Variants in DNAH9 observed in about 807,000 individuals in gnomAD.
DNAH9 encodes the protein DNAH9 variant protein.
DNAH9 carries 345 observed loss-of-function variants against 471.6 expected under a neutral mutation model. The observed-to-expected ratio is 0.73, with a 90% confidence interval of 0.67 to 0.80. The LOEUF is 0.80. DNAH9 is among the 30% of genes least tolerant of loss of function. DNAH9 has a pLI of 0.00. For missense variants in DNAH9, 5,407 were observed against 5,609.2 expected (o/e 0.96, Z 1.15); for synonymous variants, 2,093 against 2,123.6 (o/e 0.99, Z 0.40).
chr17:11,686,226 C>CCT (rs1377051114), intron 19 of DNAH9, among the ~76,000 whole-genome samples: 1 of 151,954 alleles, frequency 6.6e-6, no homozygotes, highest in Non-Finnish European at 1.5e-5. Flanking sequence ...CTCACTTATT[C>CCT]CTCTCTCTCT....
In DNAH9 at chr17:11,773,993, A is replaced by G. The variant is rs530304178; in HGVS notation, c.7552+4664A>G. Among the ~76,000 whole-genome samples the G allele has an allele frequency of 2.6e-3, 402 of 151,994 alleles. 1 individual carries two copies. The highest frequency in any genetic ancestry group is 9.3e-3 in the African/African-American group (386 of 41,478). ...AAAAATACAAAAAAAAAAATTAGCC[A>G]GGCGTGGTGGTGCGTGCCTGTAGTC... On this transcript the variant is annotated intron_variant, in intron 38 of 68. Coordinates refer to ENST00000262442, the MANE Select transcript of DNAH9 (RefSeq NM_001372.4).
Position 11,598,910 on chromosome 17 carries a change from T to C in DNAH9, c.412T>C (p.Ser138Pro). 6.6e-7 allele frequency: 1 copy of C among 1,508,412 alleles called. No homozygotes were observed. Among genetic ancestry groups the C allele is most frequent in the Non-Finnish European group, 8.8e-7 (1 of 1,134,338 alleles). The allele number at this position is 1,508,412 out of a possible 1,614,324, so 93.4% of individuals were successfully genotyped here. A position where few individuals can be genotyped will look rare whatever the true frequency, so the allele number is the denominator to read the frequency against. ...TCTGGAGCACCTAGCCGCGCTGTTC[T>C]CGGAGGTGAGGGTGGGTTAGTGTCC... ...APLEHLAALF[S>P]EVVLPVLANE... Residue 138 changes from serine (S) to proline (P), a missense_variant, in exon 1 of 69, where the codon TCG becomes CCG. Physicochemically the swap from Ser to Pro is moderately conservative, Grantham distance 74. This residue lies in a region of DNAH9 where 767 missense variants were observed against 692.5 expected (regional missense o/e 1.11). Transcript: ENST00000262442.
intron 51 of DNAH9, among the ~76,000 whole-genome samples, 157 bp downstream of exon 51, chr17:11,869,410 T>C (rs181454682): frequency 4.5e-4 from 69 of 152,194 alleles, no homozygotes; most frequent in African/African-American, 1.5e-3. Context: ...CTGAGGAAAA[T>C]GTGGATGCAT....
chr17:11,771,287 C>T (rs186510115), intron 38 of DNAH9, among the ~76,000 whole-genome samples: 234 of 152,268 alleles, frequency 1.5e-3, no homozygotes, highest in Non-Finnish European at 2.8e-3. Flanking sequence ...TGCCAAGACA[C>T]CCAGCTAATT....
At chr17:11,915,456 G>A (rs1056277648) in intron 61 of DNAH9, among the ~76,000 whole-genome samples, 2 of 152,078 alleles carry the variant, frequency 1.3e-5, no homozygotes, top group African/African-American at 2.4e-5. Context: ...CCTGGGAGAC[G>A]GAGGTTGCAA....
Position 11,654,355 on chromosome 17 carries a change from C to CAAAAAAAAAAAAAAAAAA in DNAH9, c.2595+1359_2595+1376dup, listed in dbSNP as rs527835262. ...TGGGCCACAGAGCGAGACTCCGTCT[C>CAAAAAAAAAAAAAAAAAA]AAAAAAAAAAAAAAAAAAAAAAAGT... On this transcript the variant is annotated intron_variant, in intron 14 of 68. Coordinates refer to ENST00000262442, the MANE Select transcript of DNAH9 (RefSeq NM_001372.4). 5.2e-3 allele frequency among the ~76,000 whole-genome samples: 59 copies of CAAAAAAAAAAAAAAAAAA among 11,242 alleles called. 4 individuals carry two copies. Among genetic ancestry groups the CAAAAAAAAAAAAAAAAAA allele is most frequent in the African/African-American group, 6.4e-3 (52 of 8,120 alleles). 7.4% of individuals were successfully genotyped at this position (11,242 alleles called of 152,430 possible). A position where few individuals can be genotyped will look rare whatever the true frequency, so the allele number is the denominator to read the frequency against.
Position 11,694,311 on chromosome 17 carries a change from G to A in DNAH9, c.4746-10G>A, listed in dbSNP as rs759618601. ...TCTTAACTGGGAAATTCTATGTTCT[G>A]TGCCCTCAGATTGTGCCTGTGTGAG... On this transcript the variant is annotated splice_polypyrimidine_tract_variant and intron_variant, in intron 21 of 68. Coordinates refer to ENST00000262442, the MANE Select transcript of DNAH9 (RefSeq NM_001372.4). 6.8e-6 allele frequency: 11 copies of A among 1,613,588 alleles called. No individual in the cohort carries two copies. The South Asian group carries it at 1.2e-4, about 18-fold the overall frequency.
intron 36 of DNAH9, among the ~76,000 whole-genome samples, chr17:11,767,227 T>G (rs1967987736): frequency 6.6e-6 from 1 of 152,144 alleles, no homozygotes; most frequent in Non-Finnish European, 1.5e-5. Context: ...TCTCAGAGTT[T>G]CCATAGAAAC....
chr17:11,951,170 C>T (rs1037239694), intron 67 of DNAH9, among the ~76,000 whole-genome samples: 4 of 152,058 alleles, frequency 2.6e-5, no homozygotes, highest in East Asian at 1.9e-4. Flanking sequence ...ATTTTATAAC[C>T]ATGGAAGTTA....
Position 11,891,808 on chromosome 17 carries a change from A to T in DNAH9, c.11144A>T (p.Glu3715Val). Reference protein sequence around the residue: ...AFSIVFQKAVERAAPDESLRE... With the variant: ...AFSIVFQKAVVRAAPDESLRE... ...AGTATCGTCTTCCAGAAGGCTGTGGAGAGGGCTGCTCCTGACGAAAGCCTC... is the reference window on the plus strand; with the variant it reads ...AGTATCGTCTTCCAGAAGGCTGTGGTGAGGGCTGCTCCTGACGAAAGCCTC... The change falls in exon 58 of 69, where the codon GAG (glutamate) becomes GTG (valine). Residue 3715 changes from glutamate to valine, a missense_variant. By Grantham distance (121) the Glu-to-Val change is moderately radical. This residue lies in a region of DNAH9 where 4,636 missense variants were observed against 4,900.3 expected (regional missense o/e 0.95). Coordinates refer to ENST00000262442, the MANE Select transcript of DNAH9 (RefSeq NM_001372.4). 1 of 1,614,052 alleles carries T rather than the reference A, an allele frequency of 6.2e-7. No individual in the cohort carries two copies. The highest frequency in any genetic ancestry group is 8.5e-7 in the Non-Finnish European group (1 of 1,179,988).
chr17:11,932,296 G>C lies in DNAH9; in HGVS notation c.12297+91G>C. ...GGGTGAATCAGAGGGGTCTAGGATG[G>C]GGCCTGAGAATGTGCATTTCTAACA... On this transcript the variant is annotated intron_variant, in intron 64 of 68. Coordinates refer to ENST00000262442, the MANE Select transcript of DNAH9 (RefSeq NM_001372.4). The surrounding 1 kb of genome is among the most constrained non-coding windows in gnomAD (Gnocchi z 4.3). The C allele has an allele frequency of 1.5e-6, 2 of 1,327,282 alleles. No homozygotes were observed. The highest frequency in any genetic ancestry group is 2.0e-6 in the Non-Finnish European group (2 of 975,622). 82.2% of individuals were successfully genotyped at this position (1,327,282 alleles called of 1,614,324 possible).
At chr17:11,721,220 G>T (rs1380216924) in intron 27 of DNAH9, among the ~76,000 whole-genome samples, 1 of 152,062 alleles carries the variant, frequency 6.6e-6, no homozygotes, top group East Asian at 1.9e-4. Context: ...CACCAATTTT[G>T]TTAAAAGTAC....
intron 24 of DNAH9, among the ~76,000 whole-genome samples, chr17:11,703,103 A>AAAG (rs1166155942): frequency 6.7e-6 from 1 of 149,958 alleles, no homozygotes; most frequent in African/African-American, 2.5e-5. Flanking sequence ...AAAAAAAAAA[A>AAAG]AAAGAAAAGA....
At chr17:11,753,253 A>C (rs1967232489) in intron 33 of DNAH9, among the ~76,000 whole-genome samples, 1 of 152,254 alleles carries the variant, frequency 6.6e-6, no homozygotes, top group East Asian at 1.9e-4. Context: ...GTCTTAAGTC[A>C]TTCATTCACA....
intron 55 of DNAH9, among the ~76,000 whole-genome samples, chr17:11,882,024 G>A (rs1011151477): frequency 1.7e-4 from 26 of 152,222 alleles, no homozygotes; most frequent in Middle Eastern, 3.2e-3. Flanking sequence ...AGAACTAAGC[G>A]GAATGAAATT....
At chr17:11,782,167 A>T (rs1968697063) in intron 39 of DNAH9, among the ~76,000 whole-genome samples, 1 of 152,182 alleles carries the variant, frequency 6.6e-6, no homozygotes, top group African/African-American at 2.4e-5. Context: ...GGATGCTTGA[A>T]CTATGGAACT....
In DNAH9 at chr17:11,966,219, T is replaced by G. The variant is rs1040230498; in HGVS notation, c.13234-3081T>G. On this transcript the variant is annotated intron_variant, in intron 68 of 68. Transcript: ENST00000262442. Reference sequence around the variant, plus strand: ...AAGAAAATCTTGAAAGCAACAAAAGTGGCTCATCACTTAACAAGGGGTTCT... The same window carrying G: ...AAGAAAATCTTGAAAGCAACAAAAGGGGCTCATCACTTAACAAGGGGTTCT... 2.0e-5 allele frequency among the ~76,000 whole-genome samples: 3 copies of G among 152,304 alleles called. No homozygotes were observed. The South Asian group carries it at 6.2e-4, about 32-fold the overall frequency.
At chr17:11,923,723 G>C in intron 61 of DNAH9, 91 bp from the exon 62 acceptor site, 1 of 1,517,552 alleles carries the variant, frequency 6.6e-7, no homozygotes, top group Non-Finnish European at 9.0e-7. Flanking sequence ...CGTGTTTGAG[G>C]GGTGATCTGA....
intron 1 of DNAH9, among the ~76,000 whole-genome samples, chr17:11,607,026 A>G (rs1169916476): frequency 6.6e-6 from 1 of 152,170 alleles, no homozygotes; most frequent in Admixed American, 6.6e-5. Flanking sequence ...AAAAAGAGGA[A>G]CTATGTTGGG....
Sources: allele counts gnomAD v4.1 joint callset (sites outside exome capture counted in the v4.1 genomes callset), GRCh38; gene constraint gnomAD v4.1.1; regional missense constraint gnomAD v4.1.1; non-coding constraint Gnocchi (gnomAD v3.1); transcripts MANE v1.5; gene names NCBI Gene and HGNC (gene_info 2026-07-23, HGNC 2026-07-21).